Variants in ZNF804B observed in about 807,000 individuals in gnomAD.
ZNF804B encodes the protein zinc finger 804B.
ZNF804B carries 80 observed loss-of-function variants against 101.4 expected under a neutral mutation model. The observed-to-expected ratio is 0.79, with a 90% CI of 0.66 to 0.95. ZNF804B has a LOEUF of 0.95. Among genes scored for constraint, ZNF804B ranks in the 40% least tolerant of loss-of-function variants. The probability of loss-of-function intolerance (pLI) is 0.00; values close to 1 mark genes in which losing one functional copy is unlikely to be tolerated. For missense variants in ZNF804B, 1,673 were observed against 1,561.9 expected (o/e 1.07, Z -1.20); for synonymous variants, 622 against 558.8 (o/e 1.11, Z -1.59).
chr7:89,186,398 A>G (rs1788375537), intron 1 of ZNF804B, among the ~76,000 whole-genome samples: 1 of 152,126 alleles, frequency 6.6e-6, no homozygotes, highest in Non-Finnish European at 1.5e-5. Flanking sequence ...TTTATTTTGT[A>G]TAGAAAAAGT....
chr7:88,780,353 T>A (rs1040853466), intron 1 of ZNF804B, among the ~76,000 whole-genome samples: 7 of 151,278 alleles, frequency 4.6e-5, no homozygotes, highest in South Asian at 2.1e-4. Context: ...AGACTTTTTT[T>A]AAGTAAGAAA....
intron 1 of ZNF804B, among the ~76,000 whole-genome samples, chr7:89,158,571 G>T (rs79591548): frequency 0.016 from 2,287 of 144,728 alleles, 48 homozygotes; most frequent in South Asian, 0.033. Context: ...TATTTTAACT[G>T]CCACCAACTT....
At chr7:89,171,135 C>T (rs186826701) in intron 1 of ZNF804B, among the ~76,000 whole-genome samples, 2 of 152,284 alleles carry the variant, frequency 1.3e-5, no homozygotes, top group Non-Finnish European at 2.9e-5. Flanking sequence ...CAATTTATAA[C>T]ATGTGGTTAT....
chr7:89,185,018 A>G (rs1788355130), intron 1 of ZNF804B, among the ~76,000 whole-genome samples: 1 of 152,218 alleles, frequency 6.6e-6, no homozygotes, highest in Non-Finnish European at 1.5e-5. Flanking sequence ...TTGATCAATG[A>G]TAAGTATCCA....
chr7:89,089,799 C>T (rs1383154343), intron 1 of ZNF804B, among the ~76,000 whole-genome samples: 1 of 151,966 alleles, frequency 6.6e-6, no homozygotes, highest in Non-Finnish European at 1.5e-5. Context: ...GCTAACTTTA[C>T]TTTTGAAAGA....
At chr7:89,295,003 T>C (rs919263252) in intron 2 of ZNF804B, among the ~76,000 whole-genome samples, 1 of 152,170 alleles carries the variant, frequency 6.6e-6, no homozygotes, top group African/African-American at 2.4e-5. Flanking sequence ...ATGATACTAG[T>C]TTTCCTCAAC....
At chr7:88,955,301 C>G (rs1793288646) in intron 1 of ZNF804B, among the ~76,000 whole-genome samples, 1 of 151,328 alleles carries the variant, frequency 6.6e-6, no homozygotes, top group African/African-American at 2.4e-5. Flanking sequence ...TAAAGAGTAG[C>G]TAAAATTTCT....
At chr7:89,260,878 G>A (rs911946752) in intron 2 of ZNF804B, among the ~76,000 whole-genome samples, 1 of 152,084 alleles carries the variant, frequency 6.6e-6, no homozygotes, top group African/African-American at 2.4e-5. Context: ...CTGCTTCTTG[G>A]GAACACTTCC....
chr7:89,084,631 A>G (rs546587129), intron 1 of ZNF804B, among the ~76,000 whole-genome samples: 114 of 151,942 alleles, frequency 7.5e-4, no homozygotes, highest in Admixed American at 2.1e-3. Context: ...AGATTTTTGT[A>G]TCAACAAGGT....
intron 1 of ZNF804B, among the ~76,000 whole-genome samples, chr7:88,960,148 T>C (rs1369997037): frequency 6.6e-6 from 1 of 151,496 alleles, no homozygotes; most frequent in African/African-American, 2.4e-5. Context: ...CATTTATTGT[T>C]ACAGTTGTTT....
intron 1 of ZNF804B, among the ~76,000 whole-genome samples, chr7:88,868,283 C>T (rs1292655833): frequency 6.6e-6 from 1 of 152,038 alleles, no homozygotes; most frequent in African/African-American, 2.4e-5. Context: ...TTCTCCAGTC[C>T]TCCTTGCTGC....
intron 1 of ZNF804B, among the ~76,000 whole-genome samples, chr7:88,984,389 CTTTG>C (rs950957522): frequency 1.3e-4 from 20 of 152,002 alleles, no homozygotes; most frequent in Admixed American, 5.9e-4. Flanking sequence ...GTTTTTGTTT[CTTTG>C]TTTGTTGTTT....
chr7:89,099,095 C>CAG (rs72367397), intron 1 of ZNF804B, among the ~76,000 whole-genome samples: 2 of 149,434 alleles, frequency 1.3e-5, no homozygotes, highest in Non-Finnish European at 1.5e-5. Context: ...TTCACACACA[C>CAG]ACACACACAT....
At chr7:89,068,398 A>C (rs1789487010) in intron 1 of ZNF804B, among the ~76,000 whole-genome samples, 1 of 152,076 alleles carries the variant, frequency 6.6e-6, no homozygotes, top group Non-Finnish European at 1.5e-5. Context: ...ATGTCTCATA[A>C]AACCAAATAT....
intron 1 of ZNF804B, among the ~76,000 whole-genome samples, chr7:89,082,496 A>G (rs1017509286): frequency 1.3e-5 from 2 of 151,766 alleles, no homozygotes; most frequent in Non-Finnish European, 3.0e-5. Context: ...AAAACAAAAT[A>G]CTTTTAATAT....
intron 2 of ZNF804B, among the ~76,000 whole-genome samples, chr7:89,302,064 A>G (rs1279414091): frequency 2.9e-5 from 3 of 103,038 alleles, no homozygotes; most frequent in African/African-American, 9.3e-5. Flanking sequence ...GCTGTTATAT[A>G]TATTATGAGA....
chr7:88,907,884 T>TA (rs1186342062), intron 1 of ZNF804B, among the ~76,000 whole-genome samples: 1 of 152,002 alleles, frequency 6.6e-6, no homozygotes, highest in Non-Finnish European at 1.5e-5. Context: ...GGTTGTTTAG[T>TA]AAGAGAGCTG....
chr7:88,792,529 C>T (rs1189504431), intron 1 of ZNF804B, among the ~76,000 whole-genome samples: 2 of 152,054 alleles, frequency 1.3e-5, no homozygotes, highest in Non-Finnish European at 2.9e-5. Flanking sequence ...TAATCCTGGA[C>T]CAAGGATTGT....
intron 1 of ZNF804B, among the ~76,000 whole-genome samples, chr7:88,956,485 A>C (rs990609237): frequency 2.0e-5 from 3 of 151,510 alleles, no homozygotes; most frequent in Admixed American, 6.6e-5. Flanking sequence ...CATAGCAATA[A>C]TAATGTTTAT....
Sources: gnomAD v4.1 joint callset for allele counts (sites outside exome capture counted in the v4.1 genomes callset) on GRCh38, gnomAD v4.1.1 for gene constraint, MANE v1.5 for transcripts, NCBI Gene and HGNC (gene_info 2026-07-23, HGNC 2026-07-21) for gene names.